The following ST18 variants were observed in gnomAD, a reference collection of about 807,000 sequenced individuals.
ST18 encodes suppression of tumorigenicity 18 protein.
A neutral mutation model predicts 110.0 loss-of-function variants in ST18; 50 were observed. The ratio of observed to expected loss-of-function variants is 0.45; its 90% confidence interval spans 0.36 to 0.58. The LOEUF is 0.58. Ranked by LOEUF, ST18 falls within the 20% of genes least tolerant of loss-of-function variation. The pLI is 0.00. For synonymous variants in ST18, 461 were observed against 452.4 expected (o/e 1.02, Z -0.24); for missense variants, 1,306 against 1,280.1 (o/e 1.02, Z -0.31).
chr8:52,167,042 T>C, intron 10 of ST18, 56 bp from the exon 11 acceptor site: 2 of 1,562,764 alleles, frequency 1.3e-6, no homozygotes, highest in Non-Finnish European at 1.7e-6. Context: ...TTCTTCCCAT[T>C]CAATAGAATG....
intron 2 of ST18, among the ~76,000 whole-genome samples, chr8:52,293,084 C>T (rs1251602938): frequency 6.6e-6 from 1 of 152,224 alleles, no homozygotes. Context: ...ATTTATGTGT[C>T]CGCATATATA....
At chr8:52,258,036 T>G (rs2094577628) in intron 2 of ST18, among the ~76,000 whole-genome samples, 1 of 150,202 alleles carries the variant, frequency 6.7e-6, no homozygotes. Flanking sequence ...GAAAAGTATA[T>G]TCTTTCCCTA....
At chr8:52,371,846 T>C (rs1259265994) in intron 2 of ST18, among the ~76,000 whole-genome samples, 1 of 152,228 alleles carries the variant, frequency 6.6e-6, no homozygotes, top group African/African-American at 2.4e-5. Flanking sequence ...GCAACCCTAC[T>C]GCACTGCCAG....
chr8:52,368,906 G>A lies in ST18; in HGVS notation c.-465+40422C>T, dbSNP rs555912236. 2.1e-4 allele frequency among the ~76,000 whole-genome samples: 32 copies of A among 152,182 alleles called. No homozygotes were observed. The South Asian group carries it at 6.5e-3, about 31-fold the overall frequency. Reference sequence around the variant, plus strand: ...GTCCTTGGTACCTACTACTTACCACGCTCAGCCTGGGTGGGGCACTCTTCT... The same window carrying A: ...GTCCTTGGTACCTACTACTTACCACACTCAGCCTGGGTGGGGCACTCTTCT... On this transcript the variant is annotated intron_variant, in intron 2 of 25. Coordinates refer to ENST00000689386, the MANE Select transcript of ST18 (RefSeq NM_001352837.2).
intron 2 of ST18, among the ~76,000 whole-genome samples, chr8:52,361,229 A>G (rs1825612259): frequency 6.6e-6 from 1 of 152,224 alleles, no homozygotes; most frequent in Admixed American, 6.5e-5. Context: ...CTTGAAATTT[A>G]TCTACCTTTA....
At chr8:52,177,617 T>C (rs1302766929) in intron 9 of ST18, among the ~76,000 whole-genome samples, 1 of 152,220 alleles carries the variant, frequency 6.6e-6, no homozygotes, top group Non-Finnish European at 1.5e-5. Flanking sequence ...CTGCCATTAC[T>C]GGAAACTGTG....
intron 2 of ST18, among the ~76,000 whole-genome samples, chr8:52,304,466 T>A (rs1055023152): frequency 6.6e-6 from 1 of 152,208 alleles, no homozygotes; most frequent in Admixed American, 6.5e-5. Context: ...TAAAAATCCT[T>A]TGGATCCAGA....
intron 2 of ST18, among the ~76,000 whole-genome samples, chr8:52,270,278 C>T (rs2095031258): frequency 6.6e-6 from 1 of 152,098 alleles, no homozygotes; most frequent in Non-Finnish European, 1.5e-5. Context: ...TAGTGGATGA[C>T]GTCAACACAC....
intron 2 of ST18, among the ~76,000 whole-genome samples, chr8:52,398,425 G>A (rs531820602): frequency 4.6e-5 from 7 of 152,230 alleles, no homozygotes; most frequent in Admixed American, 1.3e-4. Flanking sequence ...TTATCTGACT[G>A]CTTTTGCTAG....
chr8:52,212,221 G>T (rs938039167), intron 7 of ST18, 112 bp from the exon 8 acceptor site: 5 of 975,154 alleles, frequency 5.1e-6, no homozygotes, highest in Non-Finnish European at 4.6e-6. Flanking sequence ...TTTCTCACTG[G>T]GTGGGTTCAT....
intron 2 of ST18, among the ~76,000 whole-genome samples, chr8:52,298,486 A>G (rs2095667157): frequency 6.6e-6 from 1 of 152,252 alleles, no homozygotes; most frequent in African/African-American, 2.4e-5. Flanking sequence ...GATGTGACTA[A>G]AAGTTATATA....
At chr8:52,338,546 C>T (rs1469071168) in intron 2 of ST18, among the ~76,000 whole-genome samples, 1 of 152,002 alleles carries the variant, frequency 6.6e-6, no homozygotes, top group African/African-American at 2.4e-5. Flanking sequence ...ACCTCAGCCT[C>T]CAGAGTAGCT....
At chr8:52,369,043 GT>G (rs1564596051) in intron 2 of ST18, among the ~76,000 whole-genome samples, 1 of 151,908 alleles carries the variant, frequency 6.6e-6, no homozygotes, top group East Asian at 1.9e-4. Flanking sequence ...TAGCAATCAC[GT>G]TTGCTAAAAA....
chr8:52,291,209 A>G (rs2095550705), intron 2 of ST18, among the ~76,000 whole-genome samples: 1 of 152,164 alleles, frequency 6.6e-6, no homozygotes, highest in South Asian at 2.1e-4. Flanking sequence ...GTCACCAAAC[A>G]TCTGCTGGTT....
At chr8:52,264,015 T>C (rs1178534925) in intron 2 of ST18, among the ~76,000 whole-genome samples, 1 of 152,114 alleles carries the variant, frequency 6.6e-6, no homozygotes, top group Non-Finnish European at 1.5e-5. Context: ...GCTAGGCTGG[T>C]TGTGAATTCC....
chr8:52,137,519 G>C (rs375737080), intron 17 of ST18, 36 bp from the exon 18 acceptor site: 1 of 1,606,900 alleles, frequency 6.2e-7, no homozygotes, highest in Non-Finnish European at 8.5e-7. Context: ...AGAGTCAAGC[G>C]CATTTCCCAG....
Position 52,113,183 on chromosome 8 carries a change from G to C in ST18, c.*15C>G, listed in dbSNP as rs763450544. 6.2e-7 allele frequency: 1 copy of C among 1,613,074 alleles called. No homozygotes were observed. Among genetic ancestry groups the C allele is most frequent in the Non-Finnish European group, 8.5e-7 (1 of 1,179,608 alleles). On this transcript the variant is annotated 3_prime_UTR_variant, in exon 26 of 26. Transcript: ENST00000689386. ...CTGCTGTTGGTAACTTCTGTTGCCC[G>C]GCAGCGCTGTGATCCTACACATGGA...
chr8:52,267,309 C>T (rs999592848), intron 2 of ST18, among the ~76,000 whole-genome samples: 6 of 151,666 alleles, frequency 4.0e-5, no homozygotes, highest in Admixed American at 6.6e-5. Flanking sequence ...GGGCTGGAAC[C>T]GTCCGGGAAT....
intron 2 of ST18, among the ~76,000 whole-genome samples, chr8:52,377,159 C>T (rs1229068762): frequency 6.6e-6 from 1 of 152,170 alleles, no homozygotes; most frequent in East Asian, 1.9e-4. Context: ...CAATGTATTG[C>T]TGTAGACAAC....
Sources: allele counts gnomAD v4.1 joint callset (sites outside exome capture counted in the v4.1 genomes callset), GRCh38; gene constraint gnomAD v4.1.1; transcripts MANE v1.5; gene names NCBI Gene and HGNC (gene_info 2026-07-23, HGNC 2026-07-21).